The following ZNF407 variants were observed in gnomAD, a reference collection of about 807,000 sequenced individuals.
The protein encoded by ZNF407 is zinc finger protein 407.
Under a neutral mutation model 131.2 loss-of-function variants are expected in ZNF407, and 17 were observed. The observed-to-expected ratio is 0.13, with a 90% CI of 0.09 to 0.19. ZNF407 has a LOEUF of 0.19. Among genes scored for constraint, ZNF407 ranks in the 10% least tolerant of loss-of-function variants. ZNF407 has a pLI of 1.00. For synonymous variants in ZNF407, 1,156 were observed against 1,062.0 expected (o/e 1.09, Z -1.72); for missense variants, 2,681 against 2,830.6 (o/e 0.95, Z 1.20).
At chr18:74,744,276 GCT>G (rs1202516539) in intron 3 of ZNF407, among the ~76,000 whole-genome samples, 1 of 152,168 alleles carries the variant, frequency 6.6e-6, no homozygotes, top group South Asian at 2.1e-4. Flanking sequence ...TGTTTCCAGT[GCT>G]CTGTCATGAA....
intron 1 of ZNF407, among the ~76,000 whole-genome samples, chr18:74,611,395 G>A (rs1335253850): frequency 6.6e-6 from 1 of 152,168 alleles, no homozygotes; most frequent in South Asian, 2.1e-4. Flanking sequence ...CTAATAAAAG[G>A]TTAGTATCCA....
intron 8 of ZNF407, among the ~76,000 whole-genome samples, chr18:75,007,644 TG>T (rs1215866265): frequency 6.6e-6 from 1 of 152,230 alleles, no homozygotes; most frequent in Non-Finnish European, 1.5e-5. Flanking sequence ...GTCTCTAATA[TG>T]TTAGAATCGA....
chr18:74,916,681 A>G (rs1258114038), intron 7 of ZNF407, among the ~76,000 whole-genome samples: 21 of 82,082 alleles, frequency 2.6e-4, no homozygotes, highest in South Asian at 4.6e-4. Context: ...GTGAGGTTGT[A>G]TGCAGCATTC....
intron 8 of ZNF407, among the ~76,000 whole-genome samples, chr18:74,980,607 A>T (rs1051608674): frequency 6.6e-6 from 1 of 152,156 alleles, no homozygotes; most frequent in African/African-American, 2.4e-5. Flanking sequence ...CCACCCAGCC[A>T]ATTGTTGAAT....
chr18:74,779,263 C>T (rs953799665), intron 3 of ZNF407, among the ~76,000 whole-genome samples: 5 of 150,294 alleles, frequency 3.3e-5, no homozygotes, highest in Non-Finnish European at 5.9e-5. Flanking sequence ...CTACAGGTGC[C>T]CGCCACCACA....
chr18:74,684,705 A>G (rs893576720), intron 3 of ZNF407, among the ~76,000 whole-genome samples: 4 of 152,236 alleles, frequency 2.6e-5, no homozygotes, highest in African/African-American at 4.8e-5. Context: ...GAGTAAACTG[A>G]CTTTACAGGA....
chr18:74,929,617 C>T (rs1000288572), intron 8 of ZNF407, among the ~76,000 whole-genome samples: 43 of 152,004 alleles, frequency 2.8e-4, no homozygotes, highest in African/African-American at 9.7e-4. Context: ...ATATTTTGAC[C>T]CCCACCTAAA....
intron 3 of ZNF407, among the ~76,000 whole-genome samples, chr18:74,652,629 A>T (rs1478291941): frequency 1.3e-5 from 2 of 152,002 alleles, no homozygotes; most frequent in Non-Finnish European, 2.9e-5. Flanking sequence ...TGTGATTGAA[A>T]CAATACAAAA....
chr18:74,634,516 A>G lies in ZNF407; in HGVS notation c.3497A>G (p.Glu1166Gly), dbSNP rs751863994. The G allele has an allele frequency of 1.3e-5, 21 of 1,613,746 alleles. No individual in the cohort carries two copies. The highest frequency in any genetic ancestry group is 5.3e-5 in the African/African-American group (4 of 74,948). Residue 1166 changes from glutamate (E) to glycine (G), a missense_variant, in exon 2 of 9, where the codon GAG becomes GGG. Physicochemically the swap from Glu to Gly is moderately conservative, Grantham distance 98. This residue lies in a region of ZNF407 where 1,789 missense variants were observed against 1,748.7 expected (regional missense o/e 1.02). Transcript: ENST00000299687. ...SNFNEDHSFC[E>G]TFQQAPVKDK... Reference sequence around the variant, plus strand: ...TTCAATGAAGACCATTCCTTTTGTGAGACTTTCCAACAGGCTCCTGTCAAG... The same window carrying G: ...TTCAATGAAGACCATTCCTTTTGTGGGACTTTCCAACAGGCTCCTGTCAAG...
intron 8 of ZNF407, among the ~76,000 whole-genome samples, chr18:74,964,142 T>A (rs1460882719): frequency 6.6e-6 from 1 of 152,228 alleles, no homozygotes; most frequent in African/African-American, 2.4e-5. Flanking sequence ...AGCAGTTATA[T>A]AACAGACTTT....
chr18:74,753,200 G>C (rs1005717969), intron 3 of ZNF407, among the ~76,000 whole-genome samples: 1 of 152,076 alleles, frequency 6.6e-6, no homozygotes, highest in South Asian at 2.1e-4. Context: ...TTATTGGTGC[G>C]TAGGAATGCT....
At chr18:74,785,655 T>C (rs952554133) in intron 4 of ZNF407, among the ~76,000 whole-genome samples, 8 of 152,228 alleles carry the variant, frequency 5.3e-5, no homozygotes, top group Non-Finnish European at 1.2e-4. Flanking sequence ...ATTGCTATTT[T>C]TCAAGTTTAC....
intron 4 of ZNF407, among the ~76,000 whole-genome samples, chr18:74,843,158 G>A (rs991890037): frequency 3.0e-4 from 45 of 151,882 alleles, no homozygotes; most frequent in African/African-American, 1.1e-3. Flanking sequence ...GAGTATATTG[G>A]GCATATGTGT....
At chr18:74,615,483 G>A (rs1447497778) in intron 1 of ZNF407, among the ~76,000 whole-genome samples, 5 of 152,170 alleles carry the variant, frequency 3.3e-5, no homozygotes, top group African/African-American at 4.8e-5. Context: ...CCAGCCTGGC[G>A]ACAGAGTGAG....
intron 4 of ZNF407, among the ~76,000 whole-genome samples, chr18:74,839,061 A>G (rs117665007): frequency 0.022 from 3,311 of 152,106 alleles, 61 homozygotes; most frequent in Non-Finnish European, 0.039. Context: ...ATGCTTGAAG[A>G]AACACCCTAA....
At position 74,633,961 on chromosome 18, in the gene ZNF407, T is replaced by G. The variant is rs753672346; in HGVS notation, c.2942T>G (p.Val981Gly). 2.5e-6 allele frequency: 4 copies of G among 1,613,990 alleles called. No individual in the cohort carries two copies. The South Asian group carries it at 4.4e-5, about 18-fold the overall frequency. Residue 981 changes from valine to glycine, a missense_variant, in exon 2 of 9, where the codon GTT becomes GGT. Transcript: ENST00000299687. ...GTATTTCATTCTCTAGATGGAGAAGTTAACAGCCATCTTCTTGATAAAAAG... is the reference window on the plus strand; with the variant it reads ...GTATTTCATTCTCTAGATGGAGAAGGTAACAGCCATCTTCTTGATAAAAAG... ...ENVFHSLDGE[V>G]NSHLLDKKEQ...
At chr18:75,029,661 C>T (rs1184678381) in intron 8 of ZNF407, among the ~76,000 whole-genome samples, 2 of 152,166 alleles carry the variant, frequency 1.3e-5, no homozygotes, top group African/African-American at 4.8e-5. Flanking sequence ...GCAGGGCATG[C>T]GCAGGGGCAG....
chr18:74,722,593 A>C (rs1007391202), intron 3 of ZNF407, among the ~76,000 whole-genome samples: 2 of 152,068 alleles, frequency 1.3e-5, no homozygotes, highest in Non-Finnish European at 2.9e-5. Context: ...TTTTTGTTTC[A>C]GTCTTGTGTC....
At chr18:74,835,624 A>AGG (rs372471246) in intron 4 of ZNF407, among the ~76,000 whole-genome samples, 1,940 of 64,702 alleles carry the variant, frequency 0.03, 28 homozygotes, top group South Asian at 0.11. Context: ...TCTTGGACAG[A>AGG]GGGGGGTGTG....
Sources: gnomAD v4.1 joint callset for allele counts (sites outside exome capture counted in the v4.1 genomes callset) on GRCh38, gnomAD v4.1.1 for gene constraint, gnomAD v4.1.1 regional missense constraint, MANE v1.5 for transcripts, NCBI Gene and HGNC (gene_info 2026-07-23, HGNC 2026-07-21) for gene names.